TMPRSS15: variants seen among roughly 807,000 people sequenced by gnomAD.
TMPRSS15 encodes transmembrane serine protease 15, also known as enteropeptidase.
Under a neutral mutation model 125.3 loss-of-function variants are expected in TMPRSS15, and 128 were observed. The observed-to-expected ratio is 1.02, with a 90% confidence interval of 0.89 to 1.18. The LOEUF (loss-of-function observed/expected upper bound fraction) is 1.18, where lower values mean the gene tolerates loss of function less well. Among genes scored for constraint, TMPRSS15 ranks in the 50% most tolerant of loss-of-function variants. TMPRSS15 has a pLI of 0.00. For missense variants in TMPRSS15, 1,283 were observed against 1,212.7 expected (o/e 1.06, Z -0.86); for synonymous variants, 446 against 423.2 (o/e 1.05, Z -0.66).
chr21:18,430,604 A>T (rs1652713591), intron 1 of TMPRSS15, among the ~76,000 whole-genome samples: 1 of 152,206 alleles, frequency 6.6e-6, no homozygotes, highest in African/African-American at 2.4e-5. Flanking sequence ...CCAATAAAAG[A>T]AGAGCAGAAT....
chr21:18,352,853 T>G (rs2075584050), intron 10 of TMPRSS15, 50 bp downstream of exon 10: 1 of 1,588,890 alleles, frequency 6.3e-7, no homozygotes, highest in African/African-American at 1.3e-5. Flanking sequence ...CTCTTTCCTT[T>G]TGATTTATGA....
intron 24 of TMPRSS15, among the ~76,000 whole-genome samples, chr21:18,270,567 C>CAT (rs1463040958): frequency 6.6e-6 from 1 of 152,148 alleles, no homozygotes; most frequent in African/African-American, 2.4e-5. Context: ...GGAACTCACA[C>CAT]ATAAAGTAGA....
intron 16 of TMPRSS15, among the ~76,000 whole-genome samples, 194 bp from the exon 17 acceptor site, chr21:18,315,450 C>A (rs1276536564): frequency 5.0e-5 from 6 of 120,502 alleles, no homozygotes; most frequent in Non-Finnish European, 7.1e-5. Flanking sequence ...CAATAACAAA[C>A]CTGCACGTTG....
At chr21:18,459,898 A>G (rs1200097826) in intron 1 of TMPRSS15, among the ~76,000 whole-genome samples, 1 of 152,220 alleles carries the variant, frequency 6.6e-6, no homozygotes, top group African/African-American at 2.4e-5. Flanking sequence ...GGTCTCACAC[A>G]TAATTAATTA....
chr21:18,351,602 T>A (rs115057830), intron 10 of TMPRSS15, among the ~76,000 whole-genome samples: 87 of 152,300 alleles, frequency 5.7e-4, no homozygotes, highest in African/African-American at 2.0e-3. Context: ...GTGTCTGCTT[T>A]GCCTTCTGCC....
intron 19 of TMPRSS15, among the ~76,000 whole-genome samples, chr21:18,295,085 A>G (rs926798521): frequency 6.6e-6 from 1 of 152,196 alleles, no homozygotes; most frequent in Non-Finnish European, 1.5e-5. Flanking sequence ...ATGCCTCAGT[A>G]TTGCCAATCT....
At chr21:18,390,953 G>C (rs2075985267) in intron 3 of TMPRSS15, among the ~76,000 whole-genome samples, 1 of 152,178 alleles carries the variant, frequency 6.6e-6, no homozygotes, top group Non-Finnish European at 1.5e-5. Context: ...TGGCAGAAGA[G>C]AGAAGAGTGT....
At chr21:18,392,676 A>G (rs1817846238) in intron 3 of TMPRSS15, among the ~76,000 whole-genome samples, 3 of 152,098 alleles carry the variant, frequency 2.0e-5, no homozygotes, top group African/African-American at 4.8e-5. Flanking sequence ...GTCTTTTTTC[A>G]CACTGCTATA....
At chr21:18,469,634 T>C (rs1210295843) in intron 1 of TMPRSS15, among the ~76,000 whole-genome samples, 6 of 151,994 alleles carry the variant, frequency 3.9e-5, no homozygotes, top group Admixed American at 6.6e-5. Flanking sequence ...AAGTATACAA[T>C]ACAAGAGCCA....
At chr21:18,375,534 G>A (rs1277557956) in intron 5 of TMPRSS15, among the ~76,000 whole-genome samples, 1 of 152,126 alleles carries the variant, frequency 6.6e-6, no homozygotes, top group East Asian at 1.9e-4. Context: ...TAAATGAAGA[G>A]AATAATAATT....
intron 1 of TMPRSS15, among the ~76,000 whole-genome samples, chr21:18,462,060 A>C (rs2122910801): frequency 0.064 from 9,664 of 152,154 alleles, 829 homozygotes; most frequent in African/African-American, 0.2. Context: ...GTGATTGTAA[A>C]TTTTCATGTA....
chr21:18,277,808 C>A (rs1162876489), intron 23 of TMPRSS15, among the ~76,000 whole-genome samples: 1 of 152,166 alleles, frequency 6.6e-6, no homozygotes, highest in Admixed American at 6.5e-5. Context: ...GGATCAGGTT[C>A]TCTTATCAGA....
intron 6 of TMPRSS15, among the ~76,000 whole-genome samples, chr21:18,371,746 A>C (rs1355988475): frequency 6.6e-6 from 1 of 152,118 alleles, no homozygotes; most frequent in Admixed American, 6.5e-5. Flanking sequence ...AGGTACTGTT[A>C]AAATGTTGAA....
intron 1 of TMPRSS15, among the ~76,000 whole-genome samples, chr21:18,432,525 C>A (rs28470796): frequency 0.11 from 16,774 of 151,976 alleles, 1,021 homozygotes; most frequent in African/African-American, 0.13. Context: ...CTAATCAAAT[C>A]TGAAAGGTAT....
At chr21:18,297,598 AAAT>A (rs2074920853) in intron 19 of TMPRSS15, 133 bp downstream of exon 19, 1 of 686,700 alleles carries the variant, frequency 1.5e-6, no homozygotes, top group Admixed American at 2.4e-5. Flanking sequence ...GAGATTACTT[AAAT>A]AATAATATAA....
chr21:18,439,996 G>A (rs1006581093), intron 1 of TMPRSS15, among the ~76,000 whole-genome samples: 2 of 152,134 alleles, frequency 1.3e-5, no homozygotes, highest in Non-Finnish European at 2.9e-5. Context: ...TAATTACACA[G>A]TACCATGGGA....
chr21:18,351,163 A>C (rs2075564655), intron 10 of TMPRSS15, among the ~76,000 whole-genome samples: 1 of 152,144 alleles, frequency 6.6e-6, no homozygotes, highest in South Asian at 2.1e-4. Context: ...TTCAGGTCTT[A>C]AAATCAGGAA....
intron 13 of TMPRSS15, among the ~76,000 whole-genome samples, chr21:18,335,222 G>C (rs1209918069): frequency 6.6e-6 from 1 of 152,164 alleles, no homozygotes; most frequent in Non-Finnish European, 1.5e-5. Context: ...TCAGATATAA[G>C]ACTGGGAAAA....
intron 6 of TMPRSS15, among the ~76,000 whole-genome samples, chr21:18,367,247 A>G (rs2075747305): frequency 6.6e-6 from 1 of 152,218 alleles, no homozygotes; most frequent in Non-Finnish European, 1.5e-5. Context: ...CACAGGAAAG[A>G]AAGAAAAATA....
Sources: allele counts gnomAD v4.1 joint callset (sites outside exome capture counted in the v4.1 genomes callset), GRCh38; gene constraint gnomAD v4.1.1; transcripts MANE v1.5; gene names NCBI Gene and HGNC (gene_info 2026-07-23, HGNC 2026-07-21).